MAST2: variants seen among roughly 807,000 people sequenced by gnomAD.
The protein encoded by MAST2 is microtubule-associated serine/threonine-protein kinase 2.
MAST2 carries 70 observed loss-of-function variants against 147.4 expected under a neutral mutation model. That is an observed-to-expected ratio of 0.47 (90% CI 0.39 to 0.58). MAST2 has a LOEUF of 0.58. Ranked by LOEUF, MAST2 falls within the 20% of genes least tolerant of loss-of-function variation. MAST2 has a pLI of 0.00. For synonymous variants in MAST2, 869 were observed against 896.8 expected, an observed-to-expected ratio of 0.97 and a Z score of 0.55; for missense variants, 2,080 against 2,302.3, an observed-to-expected ratio of 0.90 and a Z score of 1.98.
Position 46,034,834 on chromosome 1 carries a change from T to G in MAST2, c.4165T>G (p.Ser1389Ala), listed in dbSNP as rs568404488. ...GTCACCTCCCCTGGGCAGGCAACTC[T>G]CACGGCCCAAGAGTGCGGAGCCACC... ...HLSPPLGRQL[S>A]RPKSAEPPRS... The change falls in exon 29 of 29, where the codon TCA becomes GCA. Residue 1389 changes from serine to alanine, a missense_variant. Transcript: ENST00000361297. 7.7e-5 allele frequency: 124 copies of G among 1,614,104 alleles called. 1 individual carries two copies. The South Asian group carries it at 1.2e-3, about 15-fold the overall frequency.
intron 1 of MAST2, among the ~76,000 whole-genome samples, chr1:45,821,398 T>C (rs1644623422): frequency 6.6e-6 from 1 of 152,204 alleles, no homozygotes; most frequent in South Asian, 2.1e-4. Flanking sequence ...AGTTTGGTTA[T>C]CATGTGTCTC....
intron 3 of MAST2, chr1:45,847,448 T>G: frequency 3.4e-6 from 2 of 593,192 alleles, no homozygotes; most frequent in Non-Finnish European, 6.1e-6. Flanking sequence ...ACCATTGCAG[T>G]TTTTCACCAA....
intron 10 of MAST2, among the ~76,000 whole-genome samples, chr1:46,017,522 C>G (rs1054597054): frequency 1.3e-5 from 2 of 152,192 alleles, no homozygotes; most frequent in African/African-American, 4.8e-5. Context: ...TGAGCAGACA[C>G]TTCTCAAAAG....
intron 4 of MAST2, among the ~76,000 whole-genome samples, chr1:45,914,997 G>C (rs1243792392): frequency 6.6e-6 from 1 of 152,202 alleles, no homozygotes; most frequent in African/African-American, 2.4e-5. Context: ...CGGGAGGGCA[G>C]TGGTGCTATC....
In MAST2 at chr1:45,884,547, G is replaced by A. The variant is rs1035285559; in HGVS notation, c.500+2152G>A. 5.3e-5 allele frequency among the ~76,000 whole-genome samples: 8 copies of A among 152,038 alleles called. No individual in the cohort carries two copies. In the South Asian group the frequency reaches 8.3e-4, roughly 16 times the overall value. On this transcript the variant is annotated intron_variant, in intron 4 of 28. Coordinates refer to ENST00000361297, the MANE Select transcript of MAST2 (RefSeq NM_015112.3). ...AGCCTGGGCGACAGAGTGATGCGCC[G>A]TCAAAAAATAAATAAATAAATAAAT...
Position 46,013,501 on chromosome 1 carries a change from A to T in MAST2, c.1188+2562A>T, listed in dbSNP as rs1270514343. On this transcript the variant is annotated intron_variant, in intron 10 of 28. Transcript: ENST00000361297. ...TTCCAGACCAGCCTGATCAACATGG[A>T]GAAAACCCATCTCTACTAAAAATAC... Among the ~76,000 whole-genome samples, 2 of 152,066 alleles carry T rather than the reference A, an allele frequency of 1.3e-5. 1 individual carries two copies. Among genetic ancestry groups the T allele is most frequent in the Non-Finnish European group, 2.9e-5 (2 of 68,000 alleles).
chr1:45,973,981 CTG>C (rs1222779434), intron 5 of MAST2, among the ~76,000 whole-genome samples: 1 of 152,092 alleles, frequency 6.6e-6, no homozygotes, highest in East Asian at 1.9e-4. Context: ...AGGAGTTTTG[CTG>C]TTAGAGCAGA....
chr1:45,897,117 T>A (rs1252604672), intron 4 of MAST2, among the ~76,000 whole-genome samples: 1 of 152,260 alleles, frequency 6.6e-6, no homozygotes, highest in Non-Finnish European at 1.5e-5. Context: ...TCTTTCCGTT[T>A]ATACCCAAAT....
At chr1:45,899,087 AT>A (rs1649273127) in intron 4 of MAST2, among the ~76,000 whole-genome samples, 3 of 152,182 alleles carry the variant, frequency 2.0e-5, no homozygotes, top group Non-Finnish European at 4.4e-5. Context: ...TTAGAAAAAT[AT>A]AATGCAATTC....
chr1:45,963,116 G>C (rs997667449), intron 5 of MAST2, among the ~76,000 whole-genome samples: 2 of 152,132 alleles, frequency 1.3e-5, no homozygotes, highest in Non-Finnish European at 2.9e-5. Context: ...CTGTTCCATT[G>C]GTCGATATCT....
chr1:45,882,512 ACTC>A (rs1379949742), intron 4 of MAST2, 117 bp downstream of exon 4: 2 of 760,458 alleles, frequency 2.6e-6, no homozygotes, highest in African/African-American at 3.6e-5. Context: ...CTTTCTGTGT[ACTC>A]CTATCTGAGC....
intron 21 of MAST2, 105 bp from the exon 22 acceptor site, chr1:46,030,502 A>G: frequency 7.4e-7 from 1 of 1,359,970 alleles, no homozygotes. Flanking sequence ...GAGGGATGGA[A>G]CCGACTGGTT....
At chr1:45,953,162 TAAC>T (rs1367474619) in intron 4 of MAST2, among the ~76,000 whole-genome samples, 1 of 151,576 alleles carries the variant, frequency 6.6e-6, no homozygotes, top group Non-Finnish European at 1.5e-5. Flanking sequence ...CCTTGAATAA[TAAC>T]AACTACTTTA....
At chr1:45,980,432 A>C (rs1644361622) in intron 5 of MAST2, among the ~76,000 whole-genome samples, 2 of 152,206 alleles carry the variant, frequency 1.3e-5, no homozygotes, top group African/African-American at 4.8e-5. Context: ...CCAGGTAATA[A>C]ACCTGAAAGT....
intron 5 of MAST2, among the ~76,000 whole-genome samples, chr1:45,977,196 A>G (rs1251680359): frequency 1.3e-5 from 2 of 152,246 alleles, no homozygotes; most frequent in African/African-American, 4.8e-5. Context: ...TACATTTAAA[A>G]TGAAGAATTT....
intron 5 of MAST2, among the ~76,000 whole-genome samples, chr1:45,987,777 A>ATTTTTTTTTTCTTTTTTTTT (rs1644695688): frequency 4.6e-5 from 1 of 21,778 alleles, no homozygotes; most frequent in African/African-American, 2.1e-4. Context: ...TTTTTTTTTG[A>ATTTTTTTTTTCTTTTTTTTT]TTTTTTTTTT....
intron 5 of MAST2, among the ~76,000 whole-genome samples, chr1:45,976,336 C>T (rs1041833333): frequency 3.3e-5 from 5 of 152,108 alleles, no homozygotes; most frequent in African/African-American, 1.2e-4. Flanking sequence ...GTGAGTCACA[C>T]TTGTAATCCC....
At chr1:45,868,633 A>G (rs767365465) in intron 3 of MAST2, among the ~76,000 whole-genome samples, 9 of 152,192 alleles carry the variant, frequency 5.9e-5, no homozygotes, top group Non-Finnish European at 8.8e-5. Flanking sequence ...ATATGACAAC[A>G]TAATGCATAC....
chr1:45,949,854 G>T (rs1423305846), intron 4 of MAST2, among the ~76,000 whole-genome samples: 1 of 152,176 alleles, frequency 6.6e-6, no homozygotes, highest in Non-Finnish European at 1.5e-5. Flanking sequence ...TAAAGAAAAT[G>T]TGGTACATAT....
Sources: allele counts gnomAD v4.1 joint callset (sites outside exome capture counted in the v4.1 genomes callset), GRCh38; gene constraint gnomAD v4.1.1; transcripts MANE v1.5; gene names NCBI Gene and HGNC (gene_info 2026-07-23, HGNC 2026-07-21).